Variants in IRAG1 observed in about 807,000 individuals in gnomAD.
IRAG1 encodes the protein inositol 1,4,5-triphosphate receptor associated 1.
In IRAG1, 62 loss-of-function variants were observed where a neutral mutation model predicts 106.2. That is an observed-to-expected ratio of 0.58 (90% confidence interval 0.48 to 0.72). The LOEUF (loss-of-function observed/expected upper bound fraction) is 0.72, where lower values mean the gene tolerates loss of function less well. Ranked by LOEUF, IRAG1 falls within the 30% of genes least tolerant of loss-of-function variation. IRAG1 has a pLI of 0.00. For synonymous variants in IRAG1, 462 were observed against 443.9 expected, an observed-to-expected ratio of 1.04 and a Z score of -0.51; for missense variants, 1,064 against 1,140.7, an observed-to-expected ratio of 0.93 and a Z score of 0.97.
chr11:10,587,979 AC>A (rs1211543113), intron 18 of IRAG1, among the ~76,000 whole-genome samples: 40 of 152,212 alleles, frequency 2.6e-4, no homozygotes, highest in African/African-American at 8.7e-4. Flanking sequence ...TAGTACACCT[AC>A]CTCATGGAAT....
intron 1 of IRAG1, among the ~76,000 whole-genome samples, chr11:10,688,136 G>C (rs1330617771): frequency 2.0e-5 from 3 of 151,250 alleles, no homozygotes; most frequent in Non-Finnish European, 4.4e-5. Context: ...GTGGTCCCAA[G>C]CATTTTGGTA....
At chr11:10,633,461 C>A (rs1162733116) in intron 3 of IRAG1, among the ~76,000 whole-genome samples, 2 of 152,170 alleles carry the variant, frequency 1.3e-5, no homozygotes. Context: ...GAAACCAAGG[C>A]GGAGACATTC....
chr11:10,628,759 G>C lies in IRAG1; in HGVS notation c.644C>G (p.Thr215Ser). The change falls in exon 6 of 21, where the codon ACC becomes AGC. Residue 215 changes from threonine (T) to serine (S), a missense_variant. Physicochemically the swap from Thr to Ser is moderately conservative, Grantham distance 58. Coordinates refer to ENST00000423302, the MANE Select transcript of IRAG1 (RefSeq NM_130385.4). This position sits in a 1 kb window ranked among gnomAD's most constrained non-coding sequence, Gnocchi z 4.1. ...GGGCAGCTGGGCCTCACCTGGCGGGGTGGGGACTGTAAGTGAGTTGCTCCG... is the reference window on the plus strand; with the variant it reads ...GGGCAGCTGGGCCTCACCTGGCGGGCTGGGGACTGTAAGTGAGTTGCTCCG... ...SSRSNSLTVPTPPGLDVCSGP... is the reference protein window; with the variant it reads ...SSRSNSLTVPSPPGLDVCSGP... 6.5e-7 allele frequency: 1 copy of C among 1,544,230 alleles called. No homozygotes were observed. Among genetic ancestry groups the C allele is most frequent in the Non-Finnish European group, 8.7e-7 (1 of 1,151,174 alleles).
chr11:10,574,617 C>T lies in IRAG1; in HGVS notation c.*1715G>A, dbSNP rs1227793076. 3 of 151,980 alleles carry T rather than the reference C, an allele frequency of 2.0e-5. No homozygotes were observed. The highest frequency in any genetic ancestry group is 4.4e-5 in the Non-Finnish European group (3 of 68,060). The allele number at this position is 151,980 out of a possible 1,614,324, so 9.4% of individuals were successfully genotyped here. A position where few individuals can be genotyped will look rare whatever the true frequency, so the allele number is the denominator to read the frequency against. The stretch of plus-strand genomic sequence containing the variant: ...GTATGGAGGGGATAATTTTTGCACT[C>T]GGTCGAGAAGAGTGACCTGAAGAAA... On this transcript the variant is annotated 3_prime_UTR_variant, in exon 21 of 21. Transcript: ENST00000423302.
intron 18 of IRAG1, among the ~76,000 whole-genome samples, chr11:10,583,760 A>G (rs774673341): frequency 3.9e-5 from 6 of 152,188 alleles, no homozygotes; most frequent in Non-Finnish European, 8.8e-5. Flanking sequence ...AGACCTTGGA[A>G]AACTAGAGAA....
chr11:10,629,684 A>T lies in IRAG1; in HGVS notation c.428T>A (p.Val143Glu), dbSNP rs775199560. 2 of 1,613,730 alleles carry T rather than the reference A, an allele frequency of 1.2e-6. No individual in the cohort carries two copies. The highest frequency in any genetic ancestry group is 1.7e-6 in the Non-Finnish European group (2 of 1,179,812). ...VDPAGHIIDL[V>E]NDQLPDISIS... Reference sequence around the variant, plus strand: ...GCTGATGTCTGGCAGCTGGTCATTCACCAGGTCAATGATGTGCCCCGCGGG... The same window carrying T: ...GCTGATGTCTGGCAGCTGGTCATTCTCCAGGTCAATGATGTGCCCCGCGGG... Residue 143 changes from valine to glutamate, a missense_variant, in exon 5 of 21, where the codon GTG becomes GAG. Transcript: ENST00000423302.
chr11:10,605,684 C>T (rs1854415611), intron 12 of IRAG1, among the ~76,000 whole-genome samples: 1 of 152,240 alleles, frequency 6.6e-6, no homozygotes, highest in Non-Finnish European at 1.5e-5. Context: ...TGTCCATATA[C>T]ATCTGCGGTC....
chr11:10,627,622 C>T, intron 8 of IRAG1, 94 bp downstream of exon 8: 1 of 1,384,556 alleles, frequency 7.2e-7, no homozygotes, highest in Non-Finnish European at 1.0e-6. Flanking sequence ...TGCATGCACA[C>T]ACACTTGAAG....
chr11:10,594,057 G>T, intron 16 of IRAG1, 89 bp downstream of exon 16: 1 of 1,256,782 alleles, frequency 8.0e-7, no homozygotes, highest in Non-Finnish European at 1.1e-6. Context: ...TGGCATCCAT[G>T]GATCCCAGAA....
chr11:10,675,096 C>T (rs4910166), intron 1 of IRAG1, among the ~76,000 whole-genome samples: 60,825 of 152,130 alleles, frequency 0.4, 12,510 homozygotes, highest in African/African-American at 0.47. Flanking sequence ...GAAACAGCCC[C>T]TGGGCTCCCT....
chr11:10,621,725 G>C (rs1283046004), intron 10 of IRAG1, among the ~76,000 whole-genome samples: 3 of 152,230 alleles, frequency 2.0e-5, no homozygotes, highest in Non-Finnish European at 4.4e-5. Flanking sequence ...CATAAAATCA[G>C]AGGTAACAAA....
At chr11:10,648,921 A>G (rs1858210355) in intron 2 of IRAG1, among the ~76,000 whole-genome samples, 1 of 152,176 alleles carries the variant, frequency 6.6e-6, no homozygotes, top group Non-Finnish European at 1.5e-5. Flanking sequence ...GTGATGGGAA[A>G]TAGGGGCTGG....
rs1856461000 is a variant in IRAG1, at chr11:10,628,694, G to C, written c.652+57C>G. On this transcript the variant is annotated intron_variant, in intron 6 of 20. Coordinates refer to ENST00000423302, the MANE Select transcript of IRAG1 (RefSeq NM_130385.4). The surrounding 1 kb of genome is among the most constrained non-coding windows in gnomAD (Gnocchi z 4.1). Reference sequence around the variant, plus strand: ...GGAGGCATGCTGATCTGTCCAGGCTGAGCTGCCACCCAGAGCGAGAGGCAG... The same window carrying C: ...GGAGGCATGCTGATCTGTCCAGGCTCAGCTGCCACCCAGAGCGAGAGGCAG... 2.9e-6 allele frequency: 4 copies of C among 1,401,834 alleles called. No homozygotes were observed. In the East Asian group the frequency reaches 1.1e-4, roughly 38 times the overall value. 86.8% of individuals were successfully genotyped at this position (1,401,834 alleles called of 1,614,324 possible).
chr11:10,659,490 C>T lies in IRAG1; in HGVS notation c.68-7308G>A, dbSNP rs926922332. 6.6e-6 allele frequency among the ~76,000 whole-genome samples: 1 copy of T among 152,126 alleles called. No homozygotes were observed. The highest frequency in any genetic ancestry group is 1.5e-5 in the Non-Finnish European group (1 of 68,020). ...ACAAAGTCACGTTTCGGGAGGCTGGCCCTGAGAACCCCGACAATCCTGGGG... is the reference window on the plus strand; with the variant it reads ...ACAAAGTCACGTTTCGGGAGGCTGGTCCTGAGAACCCCGACAATCCTGGGG... On this transcript the variant is annotated intron_variant, in intron 1 of 20. Transcript: ENST00000423302. This position sits in a 1 kb window ranked among gnomAD's most constrained non-coding sequence, Gnocchi z 4.1.
chr11:10,595,521 C>T (rs1348321901), intron 15 of IRAG1, among the ~76,000 whole-genome samples: 2 of 151,494 alleles, frequency 1.3e-5, no homozygotes, highest in South Asian at 2.1e-4. Flanking sequence ...AAAATAATAA[C>T]CCTCCCTCTT....
intron 4 of IRAG1, among the ~76,000 whole-genome samples, chr11:10,630,622 T>C (rs1398430199): frequency 2.6e-5 from 4 of 152,218 alleles, no homozygotes; most frequent in African/African-American, 9.6e-5. Context: ...CATCTGGCCA[T>C]GCCATTCTCC....
intron 18 of IRAG1, among the ~76,000 whole-genome samples, chr11:10,585,624 G>A (rs1355516376): frequency 3.9e-5 from 6 of 152,092 alleles, no homozygotes; most frequent in Non-Finnish European, 8.8e-5. Context: ...TCATTGGAAA[G>A]ATCAAGTGAG....
intron 1 of IRAG1, among the ~76,000 whole-genome samples, chr11:10,660,276 G>A (rs1312637506): frequency 6.6e-6 from 1 of 152,150 alleles, no homozygotes; most frequent in African/African-American, 2.4e-5. Context: ...AAACAAAAAG[G>A]AGATAAATAC....
At chr11:10,683,253 G>A (rs1370545342) in intron 1 of IRAG1, among the ~76,000 whole-genome samples, 2 of 151,690 alleles carry the variant, frequency 1.3e-5, no homozygotes, top group African/African-American at 4.8e-5. Context: ...TTCCTGAAGG[G>A]TGACACAGTT....
Sources: allele counts gnomAD v4.1 joint callset (sites outside exome capture counted in the v4.1 genomes callset), GRCh38; gene constraint gnomAD v4.1.1; non-coding constraint Gnocchi (gnomAD v3.1); transcripts MANE v1.5; gene names NCBI Gene and HGNC (gene_info 2026-07-23, HGNC 2026-07-21).